Variants in B3GAT2 observed in about 807,000 individuals in gnomAD.
B3GAT2 encodes the protein beta-1,3-glucuronyltransferase 2.
A neutral mutation model predicts 27.8 loss-of-function variants in B3GAT2; 26 were observed. That is an observed-to-expected ratio of 0.93 (90% confidence interval 0.68 to 1.30). The LOEUF is 1.30. Among genes scored for constraint, B3GAT2 ranks in the 50% most tolerant of loss-of-function variants. The pLI, the probability that B3GAT2 is intolerant of heterozygous loss-of-function variation, is 0.00. For missense variants in B3GAT2, 458 were observed against 459.0 expected (o/e 1.00, Z 0.02); for synonymous variants, 218 against 195.1 (o/e 1.12, Z -0.98).
intron 2 of B3GAT2, among the ~76,000 whole-genome samples, chr6:70,883,228 T>C (rs1299039442): frequency 1.3e-5 from 2 of 152,136 alleles, no homozygotes; most frequent in African/African-American, 4.8e-5. Flanking sequence ...ACTTTGGACA[T>C]CCAAAAGAAT....
intron 2 of B3GAT2, among the ~76,000 whole-genome samples, chr6:70,875,282 T>C (rs1771997879): frequency 6.6e-6 from 1 of 152,158 alleles, no homozygotes; most frequent in Non-Finnish European, 1.5e-5. Flanking sequence ...TACTTTTTTT[T>C]CCCCTGGCCC....
intron 1 of B3GAT2, among the ~76,000 whole-genome samples, chr6:70,940,032 C>G (rs906820772): frequency 2.0e-5 from 3 of 151,872 alleles, no homozygotes; most frequent in Non-Finnish European, 4.4e-5. Context: ...TGGGTCTGGC[C>G]ACAATTCTTG....
At chr6:70,923,584 A>G (rs75604436) in intron 1 of B3GAT2, among the ~76,000 whole-genome samples, 2,851 of 152,232 alleles carry the variant, frequency 0.019, 62 homozygotes, top group Non-Finnish European at 0.026. Flanking sequence ...GCTGAGGTGG[A>G]AGGATTACTT....
chr6:70,946,170 A>G (rs2150051356), intron 1 of B3GAT2, among the ~76,000 whole-genome samples: 1 of 152,152 alleles, frequency 6.6e-6, no homozygotes, highest in African/African-American at 2.4e-5. Context: ...TCAACTAACG[A>G]GCAAAATAAC....
intron 1 of B3GAT2, among the ~76,000 whole-genome samples, chr6:70,943,763 A>T (rs1460601650): frequency 2.0e-4 from 31 of 152,208 alleles, no homozygotes. Flanking sequence ...AGATGAGATA[A>T]AATTTTCACA....
intron 1 of B3GAT2, among the ~76,000 whole-genome samples, chr6:70,955,637 C>T (rs1765641972): frequency 6.6e-6 from 1 of 152,204 alleles, no homozygotes. Flanking sequence ...GATCCTCTCA[C>T]ACACAGCCCC....
intron 1 of B3GAT2, among the ~76,000 whole-genome samples, chr6:70,917,840 G>C (rs1772799760): frequency 1.3e-5 from 2 of 152,192 alleles, no homozygotes; most frequent in Non-Finnish European, 2.9e-5. Context: ...TTTAGAATAA[G>C]TGTGATGTGG....
chr6:70,873,189 A>T (rs186285355), intron 2 of B3GAT2, among the ~76,000 whole-genome samples: 24 of 151,700 alleles, frequency 1.6e-4, no homozygotes, highest in Non-Finnish European at 1.5e-5. Flanking sequence ...CCCGTCTAGC[A>T]TCCTTTCACT....
chr6:70,885,449 G>A (rs1251153416), intron 2 of B3GAT2, among the ~76,000 whole-genome samples: 2 of 151,806 alleles, frequency 1.3e-5, no homozygotes, highest in African/African-American at 4.8e-5. Context: ...GATCTTTTTT[G>A]GCTTCGATTT....
At chr6:70,945,948 C>G (rs1043376292) in intron 1 of B3GAT2, among the ~76,000 whole-genome samples, 1 of 151,832 alleles carries the variant, frequency 6.6e-6, no homozygotes, top group Non-Finnish European at 1.5e-5. Flanking sequence ...ATTTTCAACC[C>G]AGAATCTCAT....
At chr6:70,914,697 T>A (rs932964517) in intron 1 of B3GAT2, among the ~76,000 whole-genome samples, 33 of 152,148 alleles carry the variant, frequency 2.2e-4, no homozygotes, top group Non-Finnish European at 1.5e-5. Context: ...CTTGATATCC[T>A]TATAGGTGTA....
At chr6:70,902,617 G>GATATAT (rs61150776) in intron 1 of B3GAT2, among the ~76,000 whole-genome samples, 2,330 of 125,054 alleles carry the variant, frequency 0.019, 23 homozygotes, top group Middle Eastern at 0.032. Context: ...AAGAAAATGG[G>GATATAT]ATATATATAT....
At chr6:70,941,519 A>T (rs1765393464) in intron 1 of B3GAT2, among the ~76,000 whole-genome samples, 1 of 152,096 alleles carries the variant, frequency 6.6e-6, no homozygotes, top group Non-Finnish European at 1.5e-5. Context: ...GACCACCTTG[A>T]CAAACCTCCC....
intron 2 of B3GAT2, among the ~76,000 whole-genome samples, chr6:70,884,834 G>T (rs1018328431): frequency 6.6e-6 from 1 of 152,228 alleles, no homozygotes; most frequent in Non-Finnish European, 1.5e-5. Flanking sequence ...TGGCCTGAGG[G>T]ATTTAAAATT....
chr6:70,876,573 T>C (rs1190076779), intron 2 of B3GAT2, among the ~76,000 whole-genome samples: 1 of 152,218 alleles, frequency 6.6e-6, no homozygotes. Context: ...CTTAAATGAA[T>C]ATATGTAAAC....
In B3GAT2 at chr6:70,856,819, C is replaced by T. The variant is rs753879801; in HGVS notation, c.*4844G>A. On this transcript the variant is annotated 3_prime_UTR_variant, in exon 4 of 4. Coordinates refer to ENST00000230053, the MANE Select transcript of B3GAT2 (RefSeq NM_080742.3). ...TAAGTAATGGATAAGCTGCGCTTTA[C>T]TATGCAGAATTTGATAGCTTATTTT... The T allele has an allele frequency of 6.5e-7, 1 of 1,547,128 alleles. No homozygotes were observed. Among genetic ancestry groups the T allele is most frequent in the South Asian group, 1.3e-5 (1 of 79,348 alleles).
chr6:70,937,182 C>A (rs1034546539), intron 1 of B3GAT2, among the ~76,000 whole-genome samples: 6 of 152,212 alleles, frequency 3.9e-5, no homozygotes, highest in Non-Finnish European at 7.4e-5. Context: ...GGCACATACA[C>A]CCTCCCAAGA....
intron 1 of B3GAT2, among the ~76,000 whole-genome samples, chr6:70,942,447 G>A: frequency 6.6e-6 from 1 of 152,010 alleles, no homozygotes; most frequent in East Asian, 1.9e-4. Context: ...CTCTCTGGAG[G>A]GCTCCTTCAT....
intron 1 of B3GAT2, among the ~76,000 whole-genome samples, chr6:70,924,765 T>G (rs889882568): frequency 6.6e-6 from 1 of 152,290 alleles, no homozygotes; most frequent in East Asian, 1.9e-4. Flanking sequence ...GTTTAAATGA[T>G]AATAGCCCTT....
Sources: allele counts gnomAD v4.1 joint callset (sites outside exome capture counted in the v4.1 genomes callset), GRCh38; gene constraint gnomAD v4.1.1; transcripts MANE v1.5; gene names NCBI Gene and HGNC (gene_info 2026-07-23, HGNC 2026-07-21).